The following NRXN3 variants were observed in gnomAD, a reference collection of about 807,000 sequenced individuals.
NRXN3 encodes neurexin 3.
In NRXN3, 32 loss-of-function variants were observed where a neutral mutation model predicts 137.6. That is an observed-to-expected ratio of 0.23 (90% confidence interval 0.18 to 0.31). The LOEUF is 0.31. Among genes scored for constraint, NRXN3 ranks in the 10% least tolerant of loss-of-function variants. The probability of loss-of-function intolerance (pLI) is 1.00; values close to 1 mark genes in which losing one functional copy is unlikely to be tolerated. For missense variants in NRXN3, 1,574 were observed against 2,062.5 expected, an observed-to-expected ratio of 0.76 and a Z score of 4.59; for synonymous variants, 798 against 784.5, an observed-to-expected ratio of 1.02 and a Z score of -0.29.
chr14:78,808,115 T>C (rs760805678), intron 9 of NRXN3, among the ~76,000 whole-genome samples: 1 of 152,256 alleles, frequency 6.6e-6, no homozygotes, highest in African/African-American at 2.4e-5. Context: ...TCAAGAAGGC[T>C]CTGGGATAGA....
chr14:78,295,905 TC>T (rs1050847971), intron 3 of NRXN3, among the ~76,000 whole-genome samples: 6 of 152,202 alleles, frequency 3.9e-5, no homozygotes, highest in Non-Finnish European at 7.3e-5. Flanking sequence ...TAAAGACTCT[TC>T]CATCGCTTTC....
At chr14:79,417,747 T>A (rs2095517539) in intron 15 of NRXN3, among the ~76,000 whole-genome samples, 1 of 152,186 alleles carries the variant, frequency 6.6e-6, no homozygotes, top group Non-Finnish European at 1.5e-5. Context: ...TATTTCATTT[T>A]ACCATCAGCG....
intron 6 of NRXN3, among the ~76,000 whole-genome samples, chr14:78,674,215 C>A (rs1294774569): frequency 6.6e-6 from 1 of 152,162 alleles, no homozygotes; most frequent in East Asian, 1.9e-4. Flanking sequence ...GAGGTTAAAA[C>A]AAGGCAGAAG....
At chr14:78,292,049 G>A (rs114757717) in intron 3 of NRXN3, among the ~76,000 whole-genome samples, 2,373 of 152,328 alleles carry the variant, frequency 0.016, 61 homozygotes, top group African/African-American at 0.055. Flanking sequence ...ATTTAAGGGG[G>A]AGACAATATT....
intron 4 of NRXN3, among the ~76,000 whole-genome samples, chr14:78,411,890 C>A (rs146041584): frequency 3.9e-5 from 6 of 152,308 alleles, no homozygotes; most frequent in Admixed American, 1.3e-4. Flanking sequence ...CTCAAATGTC[C>A]TTTTCCAACT....
At chr14:79,133,928 CA>C (rs1358783118) in intron 15 of NRXN3, among the ~76,000 whole-genome samples, 1 of 82,244 alleles carries the variant, frequency 1.2e-5, no homozygotes, top group African/African-American at 4.8e-5. Flanking sequence ...GATTCCATCT[CA>C]AAAAAAAGAA....
At chr14:79,347,444 CAG>C (rs1157633895) in intron 15 of NRXN3, among the ~76,000 whole-genome samples, 1 of 148,344 alleles carries the variant, frequency 6.7e-6, no homozygotes, top group Non-Finnish European at 1.5e-5. Context: ...TTTTTTGAAA[CAG>C]AGTCTCGCTC....
chr14:79,804,332 C>T (rs979787536), intron 19 of NRXN3, among the ~76,000 whole-genome samples: 2 of 152,106 alleles, frequency 1.3e-5, no homozygotes, highest in Non-Finnish European at 2.9e-5. Context: ...GTATGGAGGG[C>T]TCTTCTCACA....
intron 4 of NRXN3, among the ~76,000 whole-genome samples, chr14:78,367,379 A>T (rs922282991): frequency 6.6e-6 from 1 of 152,164 alleles, no homozygotes; most frequent in African/African-American, 2.4e-5. Flanking sequence ...GAGCTAAATT[A>T]AAAAATCAAT....
chr14:79,408,085 A>G (rs1313895642), intron 15 of NRXN3, among the ~76,000 whole-genome samples: 3 of 152,148 alleles, frequency 2.0e-5, no homozygotes, highest in Non-Finnish European at 4.4e-5. Context: ...CATATACAGT[A>G]TTGAAATTAT....
chr14:78,767,287 T>C (rs773225295), intron 8 of NRXN3, among the ~76,000 whole-genome samples: 9 of 152,180 alleles, frequency 5.9e-5, no homozygotes, highest in Non-Finnish European at 1.2e-4. Flanking sequence ...TTTCATAATA[T>C]AGCAGCTTCT....
chr14:79,036,722 G>A (rs1384856617), intron 15 of NRXN3, among the ~76,000 whole-genome samples: 2 of 149,960 alleles, frequency 1.3e-5, no homozygotes, highest in African/African-American at 4.9e-5. Flanking sequence ...GGCTTTCTTG[G>A]TGACGTTGAA....
chr14:79,595,827 A>G (rs1347554563), intron 16 of NRXN3, among the ~76,000 whole-genome samples: 1 of 152,218 alleles, frequency 6.6e-6, no homozygotes, highest in Non-Finnish European at 1.5e-5. Flanking sequence ...GAAATTCGTA[A>G]TTGCATATGT....
rs112182693 is a variant in NRXN3 at position 79,763,863 on chromosome 14, G to T, written c.4015-41249G>T. ...TCAATATATAAATTTGGGTGGCGGG[G>T]TGGGGCACACACATTCAGATCATAG... On this transcript the variant is annotated intron_variant, in intron 19 of 20. Coordinates refer to ENST00000335750, the MANE Select transcript of NRXN3 (RefSeq NM_001330195.2). Among the ~76,000 whole-genome samples, 469 of 151,676 alleles carry T rather than the reference G, an allele frequency of 3.1e-3. 7 individuals are homozygous for T. The East Asian group carries it at 0.036, about 12-fold the overall frequency.
At chr14:79,076,708 A>T (rs1301348030) in intron 15 of NRXN3, among the ~76,000 whole-genome samples, 1 of 152,144 alleles carries the variant, frequency 6.6e-6, no homozygotes, top group Non-Finnish European at 1.5e-5. Flanking sequence ...AAGGGGAGGG[A>T]ATAATCAAGG....
intron 4 of NRXN3, among the ~76,000 whole-genome samples, chr14:78,405,617 G>GGGGA (rs1555510794): frequency 3.5e-5 from 5 of 143,426 alleles, no homozygotes; most frequent in Non-Finnish European, 7.7e-5. Flanking sequence ...AAGGGGCGGG[G>GGGGA]GGGTTCCGGG....
At chr14:79,337,525 C>G (rs1244052705) in intron 15 of NRXN3, among the ~76,000 whole-genome samples, 1 of 152,076 alleles carries the variant, frequency 6.6e-6, no homozygotes, top group East Asian at 1.9e-4. Context: ...AGTTGGTCTT[C>G]CATCGTGATG....
chr14:79,781,967 C>T (rs1262174665), intron 19 of NRXN3, among the ~76,000 whole-genome samples: 3 of 152,142 alleles, frequency 2.0e-5, no homozygotes, highest in East Asian at 1.9e-4. Flanking sequence ...TTAACTGCCT[C>T]GATGTAGGTG....
chr14:78,438,666 G>A (rs939588330), intron 4 of NRXN3, among the ~76,000 whole-genome samples: 4 of 152,256 alleles, frequency 2.6e-5, no homozygotes, highest in East Asian at 1.9e-4. Flanking sequence ...GAGAGCACTC[G>A]GGTGCTGCCC....
Sources: allele counts gnomAD v4.1 joint callset (sites outside exome capture counted in the v4.1 genomes callset), GRCh38; gene constraint gnomAD v4.1.1; transcripts MANE v1.5; gene names NCBI Gene and HGNC (gene_info 2026-07-23, HGNC 2026-07-21).